Variants in GPC5 observed in about 807,000 individuals in gnomAD.
GPC5 encodes the protein glypican 5, also known as glypican-5.
GPC5 carries 47 observed loss-of-function variants against 53.9 expected under a neutral mutation model. The observed-to-expected ratio is 0.87, with a 90% CI of 0.69 to 1.11. GPC5 has a LOEUF of 1.11. Among genes scored for constraint, GPC5 ranks in the 50% most tolerant of loss-of-function variants. The pLI is 0.00. For missense variants in GPC5, 748 were observed against 713.1 expected (o/e 1.05, Z -0.56); for synonymous variants, 286 against 263.3 (o/e 1.09, Z -0.84).
At chr13:92,210,688 T>C (rs2042368733) in intron 7 of GPC5, among the ~76,000 whole-genome samples, 1 of 152,198 alleles carries the variant, frequency 6.6e-6, no homozygotes, top group Non-Finnish European at 1.5e-5. Flanking sequence ...ATCTGTAGAA[T>C]ATAAATCATA....
intron 6 of GPC5, among the ~76,000 whole-genome samples, chr13:91,969,180 G>A (rs2040217334): frequency 6.6e-6 from 1 of 151,938 alleles, no homozygotes; most frequent in Non-Finnish European, 1.5e-5. Context: ...TGTTGGTCAG[G>A]TTGGTTTTGA....
intron 7 of GPC5, among the ~76,000 whole-genome samples, chr13:92,433,479 G>C (rs1375253381): frequency 6.6e-6 from 1 of 152,200 alleles, no homozygotes; most frequent in Admixed American, 6.5e-5. Flanking sequence ...TGATCTGAGA[G>C]TGGAATGCTT....
intron 7 of GPC5, among the ~76,000 whole-genome samples, chr13:92,843,725 C>T (rs555479638): frequency 1.3e-5 from 2 of 152,258 alleles, no homozygotes; most frequent in East Asian, 3.9e-4. Flanking sequence ...ATGTGCATGA[C>T]ATTGTCTTTG....
chr13:92,470,275 T>C (rs1042962832), intron 7 of GPC5, among the ~76,000 whole-genome samples: 22 of 152,174 alleles, frequency 1.4e-4, no homozygotes, highest in African/African-American at 5.3e-4. Flanking sequence ...TGCTCTGCAA[T>C]AGTAAATCGG....
rs1320676352 is a variant in GPC5 at position 91,647,075 on chromosome 13, G to A, written c.326-46112G>A. On this transcript the variant is annotated intron_variant, in intron 2 of 7. Transcript: ENST00000377067. ...CTAAGGATAATATATATATGCGTGT[G>A]TGTGTGTGTGTGTGTGTGTGTGTGT... Among the ~76,000 whole-genome samples, 20 of 8,372 alleles carry A rather than the reference G, an allele frequency of 2.4e-3. No individual in the cohort carries two copies. In the African/African-American group the frequency reaches 0.047, roughly 20 times the overall value. The allele number at this position is 8,372 out of a possible 152,430, so 5.5% of individuals were successfully genotyped here.
At chr13:91,541,591 T>C (rs1373406922) in intron 2 of GPC5, among the ~76,000 whole-genome samples, 1 of 152,114 alleles carries the variant, frequency 6.6e-6, no homozygotes, top group Non-Finnish European at 1.5e-5. Context: ...TTTTCACCTG[T>C]TTATTCTTCA....
intron 6 of GPC5, among the ~76,000 whole-genome samples, chr13:92,047,606 T>C (rs941360954): frequency 6.6e-6 from 1 of 151,536 alleles, no homozygotes; most frequent in Non-Finnish European, 1.5e-5. Context: ...ATATAGGTAT[T>C]ATTTTGCAGT....
chr13:92,815,836 C>G (rs1877454306), intron 7 of GPC5, among the ~76,000 whole-genome samples: 1 of 151,822 alleles, frequency 6.6e-6, no homozygotes, highest in Admixed American at 6.6e-5. Context: ...GGAACCGAGT[C>G]ACTATTGAGT....
intron 1 of GPC5, among the ~76,000 whole-genome samples, chr13:91,408,769 TCTC>T (rs1198113230): frequency 1.3e-5 from 2 of 152,202 alleles, no homozygotes; most frequent in Non-Finnish European, 2.9e-5. Flanking sequence ...CTAGTTTTTC[TCTC>T]CTCTGTGCTA....
chr13:91,520,953 A>C (rs1885779195), intron 2 of GPC5, among the ~76,000 whole-genome samples: 1 of 152,118 alleles, frequency 6.6e-6, no homozygotes. Flanking sequence ...AGATTTGGGC[A>C]TTTCAATTGC....
intron 2 of GPC5, 113 bp downstream of exon 2, chr13:91,449,035 C>T (rs553705158): frequency 4.4e-5 from 53 of 1,197,544 alleles, no homozygotes; most frequent in South Asian, 2.4e-4. Context: ...ACATAATATT[C>T]GGGTATAAAA....
chr13:92,663,119 A>C (rs1170144467), intron 7 of GPC5, among the ~76,000 whole-genome samples: 1 of 152,210 alleles, frequency 6.6e-6, no homozygotes, highest in Non-Finnish European at 1.5e-5. Context: ...TGAGATGAGG[A>C]AAGAATAAAC....
intron 2 of GPC5, among the ~76,000 whole-genome samples, chr13:91,569,728 C>G (rs551383095): frequency 6.6e-6 from 1 of 152,190 alleles, no homozygotes; most frequent in South Asian, 2.1e-4. Context: ...AGTACCTCTC[C>G]CTTCATGAAT....
chr13:92,825,789 A>T (rs1877826469), intron 7 of GPC5, among the ~76,000 whole-genome samples: 1 of 152,086 alleles, frequency 6.6e-6, no homozygotes, highest in Non-Finnish European at 1.5e-5. Flanking sequence ...TCTTAATTAC[A>T]TGTATTCTGA....
intron 7 of GPC5, among the ~76,000 whole-genome samples, chr13:92,784,044 T>G (rs968067282): frequency 6.6e-6 from 1 of 152,166 alleles, no homozygotes; most frequent in Non-Finnish European, 1.5e-5. Flanking sequence ...GACAAAACTT[T>G]AATTAAACTC....
intron 2 of GPC5, among the ~76,000 whole-genome samples, chr13:91,459,816 T>C (rs933015210): frequency 2.0e-5 from 3 of 152,228 alleles, no homozygotes; most frequent in South Asian, 2.1e-4. Flanking sequence ...ATTTCTGTAA[T>C]AAAATATATC....
chr13:92,586,696 A>C (rs932641383), intron 7 of GPC5, among the ~76,000 whole-genome samples: 4 of 151,906 alleles, frequency 2.6e-5, no homozygotes, highest in Non-Finnish European at 5.9e-5. Context: ...GATGGTTGTG[A>C]ATATGACACA....
intron 7 of GPC5, among the ~76,000 whole-genome samples, chr13:92,147,063 T>C (rs567126167): frequency 6.6e-6 from 1 of 152,192 alleles, no homozygotes; most frequent in East Asian, 1.9e-4. Context: ...AGTCATGAAA[T>C]TGTGTCATTA....
chr13:92,685,404 A>G (rs1347637882), intron 7 of GPC5, among the ~76,000 whole-genome samples: 3 of 151,992 alleles, frequency 2.0e-5, no homozygotes, highest in Non-Finnish European at 4.4e-5. Flanking sequence ...CAGATCTAAT[A>G]TTTCTTAATG....
Sources: allele counts gnomAD v4.1 joint callset (sites outside exome capture counted in the v4.1 genomes callset), GRCh38; gene constraint gnomAD v4.1.1; transcripts MANE v1.5; gene names NCBI Gene and HGNC (gene_info 2026-07-23, HGNC 2026-07-21).